PPP2R1A: variants seen among roughly 807,000 people sequenced by gnomAD.
PPP2R1A encodes serine/threonine-protein phosphatase 2A 65 kDa regulatory subunit A alpha isoform.
PPP2R1A carries 15 observed loss-of-function variants against 67.1 expected under a neutral mutation model. That is an observed-to-expected ratio of 0.22 (90% CI 0.15 to 0.34). PPP2R1A has a LOEUF of 0.34. Among genes scored for constraint, PPP2R1A ranks in the 10% least tolerant of loss-of-function variants. The probability of loss-of-function intolerance (pLI) is 1.00; values close to 1 mark genes in which losing one functional copy is unlikely to be tolerated. For missense variants in PPP2R1A, 369 were observed against 775.0 expected (o/e 0.48, Z 6.22); for synonymous variants, 337 against 325.0 (o/e 1.04, Z -0.40).
At chr19:52,202,824 C>T (rs915542974) in intron 2 of PPP2R1A, among the ~76,000 whole-genome samples, 5 of 152,186 alleles carry the variant, frequency 3.3e-5, no homozygotes, top group Admixed American at 2.0e-4. Flanking sequence ...AATTATGTAA[C>T]CTAACATGAA....
Position 52,212,471 on chromosome 19 carries a change from TCA to T in PPP2R1A, c.504-207_504-206del. On this transcript the variant is annotated intron_variant, in intron 4 of 14. Transcript: ENST00000322088. The surrounding 1 kb of genome is among the most constrained non-coding windows in gnomAD (Gnocchi z 4.1). The stretch of plus-strand genomic sequence containing the variant: ...TATTATGCGCAATCTGCGAAGTGTC[TCA>T]CACACACTATTTTCATTTAAACCTC... 1 of 587,846 alleles carries T rather than the reference TCA, an allele frequency of 1.7e-6. No individual in the cohort carries two copies. Among genetic ancestry groups the T allele is most frequent in the Non-Finnish European group, 3.0e-6 (1 of 334,526 alleles). The allele number at this position is 587,846 out of a possible 1,614,324, so 36.4% of individuals were successfully genotyped here.
At position 52,206,190 on chromosome 19, in the gene PPP2R1A, C is replaced by T. The variant is rs1057381969; in HGVS notation, c.270+127C>T. On this transcript the variant is annotated intron_variant, in intron 3 of 14. Coordinates refer to ENST00000322088, the MANE Select transcript of PPP2R1A (RefSeq NM_014225.6). ...CACGTCAGAACAGCCGGGCCATGGACATCCGCTTTAATCCAACAAGTCAGG... is the reference window on the plus strand; with the variant it reads ...CACGTCAGAACAGCCGGGCCATGGATATCCGCTTTAATCCAACAAGTCAGG... The T allele has an allele frequency of 1.1e-5, 8 of 737,368 alleles. No homozygotes were observed. The African/African-American group carries it at 1.4e-4, about 13-fold the overall frequency. The allele number at this position is 737,368 out of a possible 1,614,324, so 45.7% of individuals were successfully genotyped here. A position where few individuals can be genotyped will look rare whatever the true frequency, so the allele number is the denominator to read the frequency against.
At chr19:52,206,974 G>A (rs2089610116) in intron 3 of PPP2R1A, among the ~76,000 whole-genome samples, 1 of 152,190 alleles carries the variant, frequency 6.6e-6, no homozygotes, top group Non-Finnish European at 1.5e-5. Context: ...CTCTAGTGGT[G>A]TATAAAGAAT....
Position 52,219,980 on chromosome 19 carries a change from T to C in PPP2R1A, c.1302+116T>C. The C allele has an allele frequency of 1.5e-6, 2 of 1,370,190 alleles. No individual in the cohort carries two copies. The highest frequency in any genetic ancestry group is 4.9e-5 in the East Asian group (2 of 40,782). 84.9% of individuals were successfully genotyped at this position (1,370,190 alleles called of 1,614,324 possible). A position where few individuals can be genotyped will look rare whatever the true frequency, so the allele number is the denominator to read the frequency against. ...CTTAGTGGAGGCTGTGACAACTGCC[T>C]GGGGAGTCGAAGGAAGGGACCCAGG... is the stretch of plus-strand genomic sequence containing the variant. On this transcript the variant is annotated intron_variant, in intron 10 of 14. Transcript: ENST00000322088. This position sits in a 1 kb window ranked among gnomAD's most constrained non-coding sequence, Gnocchi z 4.0.
Position 52,211,813 on chromosome 19 carries a change from C to A in PPP2R1A, c.503+321C>A, listed in dbSNP as rs868643514. 2.8e-6 allele frequency: 1 copy of A among 361,508 alleles called. No individual in the cohort carries two copies. The highest frequency in any genetic ancestry group is 4.8e-5 in the South Asian group (1 of 20,808). 22.4% of individuals were successfully genotyped at this position (361,508 alleles called of 1,614,324 possible). A position where few individuals can be genotyped will look rare whatever the true frequency, so the allele number is the denominator to read the frequency against. ...GCAAAATCTGGAACATAAAAACTTT[C>A]AGCAACTTACATCTGATGGTATCTC... On this transcript the variant is annotated intron_variant, in intron 4 of 14. Coordinates refer to ENST00000322088, the MANE Select transcript of PPP2R1A (RefSeq NM_014225.6). The surrounding 1 kb of genome is among the most constrained non-coding windows in gnomAD (Gnocchi z 5.3).
At chr19:52,190,737 A>G (rs1481291145) in intron 1 of PPP2R1A, among the ~76,000 whole-genome samples, 1 of 152,206 alleles carries the variant, frequency 6.6e-6, no homozygotes, top group Non-Finnish European at 1.5e-5. Context: ...CCCCCCCACC[A>G]AAGGTGGGGA....
rs1393401799 is a variant in PPP2R1A, at chr19:52,213,209, C to T, written c.807+99C>T. ...TGAGGTTTCCATTAGGCCGATGGAA[C>T]CATTGGGCGTTTGAGCAATAAGATC... On this transcript the variant is annotated intron_variant, in intron 6 of 14. Coordinates refer to ENST00000322088, the MANE Select transcript of PPP2R1A (RefSeq NM_014225.6). The surrounding 1 kb of genome is among the most constrained non-coding windows in gnomAD (Gnocchi z 4.2). The T allele has an allele frequency of 4.5e-5, 62 of 1,377,694 alleles. No homozygotes were observed. Among genetic ancestry groups the T allele is most frequent in the Non-Finnish European group, 4.4e-5 (46 of 1,052,100 alleles). The allele number at this position is 1,377,694 out of a possible 1,614,324, so 85.3% of individuals were successfully genotyped here. A position where few individuals can be genotyped will look rare whatever the true frequency, so the allele number is the denominator to read the frequency against.
chr19:52,210,093 A>ATT lies in PPP2R1A; in HGVS notation c.271-1158_271-1157dup, dbSNP rs111346713. Among the ~76,000 whole-genome samples, 738 of 150,334 alleles carry ATT rather than the reference A, an allele frequency of 4.9e-3. 8 individuals carry two copies. Among genetic ancestry groups the ATT allele is most frequent in the African/African-American group, 0.017 (698 of 40,954 alleles). On this transcript the variant is annotated intron_variant, in intron 3 of 14. Coordinates refer to ENST00000322088, the MANE Select transcript of PPP2R1A (RefSeq NM_014225.6). ...AGCCCTGGAGGCATTTCCATTTATG[A>ATT]TTTTTTTTTTCCTGCTTTAAATACC...
chr19:52,216,605 G>A lies in PPP2R1A; in HGVS notation c.1070G>A (p.Gly357Asp). 3.1e-6 allele frequency: 5 copies of A among 1,614,136 alleles called. No homozygotes were observed. The highest frequency in any genetic ancestry group is 4.2e-6 in the Non-Finnish European group (5 of 1,180,036). ...SVIMGLSPIL[G>D]KDNTIEHLLP... ...ATCATGGGTCTCTCTCCCATCTTGGGCAAAGACAACACCATCGAGCACCTC... is the reference window on the plus strand; with the variant it reads ...ATCATGGGTCTCTCTCCCATCTTGGACAAAGACAACACCATCGAGCACCTC... The change falls in exon 9 of 15, where the codon GGC becomes GAC. Residue 357 changes from glycine to aspartate, a missense_variant. Gly to Asp is a moderately conservative substitution (Grantham distance 94). Coordinates refer to ENST00000322088, the MANE Select transcript of PPP2R1A (RefSeq NM_014225.6). The surrounding 1 kb of genome is among the most constrained non-coding windows in gnomAD (Gnocchi z 4.3).
intron 1 of PPP2R1A, among the ~76,000 whole-genome samples, chr19:52,195,487 A>C (rs912031569): frequency 6.6e-6 from 1 of 152,192 alleles, no homozygotes; most frequent in Non-Finnish European, 1.5e-5. Context: ...CAGTTCAGAC[A>C]CGACCTGGAG....
Position 52,215,760 on chromosome 19 carries a change from T to C in PPP2R1A, c.808-19T>C. On this transcript the variant is annotated intron_variant, in intron 6 of 14. Coordinates refer to ENST00000322088, the MANE Select transcript of PPP2R1A (RefSeq NM_014225.6). Reference sequence around the variant, plus strand: ...CTGCCAGCCCCTCTCACTCTCCCCCTCCTCCTTCCTGTCTGCAGCTCCAGA... The same window carrying C: ...CTGCCAGCCCCTCTCACTCTCCCCCCCCTCCTTCCTGTCTGCAGCTCCAGA... 1 of 1,606,510 alleles carries C rather than the reference T, an allele frequency of 6.2e-7. No individual in the cohort carries two copies. The highest frequency in any genetic ancestry group is 1.3e-5 in the African/African-American group (1 of 74,856).
chr19:52,216,370 A>G lies in PPP2R1A; in HGVS notation c.994-159A>G, dbSNP rs113059301. On this transcript the variant is annotated intron_variant, in intron 8 of 14. Coordinates refer to ENST00000322088, the MANE Select transcript of PPP2R1A (RefSeq NM_014225.6). This position sits in a 1 kb window ranked among gnomAD's most constrained non-coding sequence, Gnocchi z 4.3. ...TTGAACTCTTAAGTAGGTGGTACTCATAAGGAATAGTGATTTCCCCTGTAC... is the reference window on the plus strand; with the variant it reads ...TTGAACTCTTAAGTAGGTGGTACTCGTAAGGAATAGTGATTTCCCCTGTAC... Among the ~76,000 whole-genome samples, 174 of 152,282 alleles carry G rather than the reference A, an allele frequency of 1.1e-3. 1 individual carries two copies. Among genetic ancestry groups the G allele is most frequent in the African/African-American group, 4.1e-3 (169 of 41,568 alleles).
rs1463804438 is a variant in PPP2R1A at position 52,228,960 on chromosome 19, G to A, written c.*2979G>A. On this transcript the variant is annotated 3_prime_UTR_variant, in exon 15 of 15. Coordinates refer to ENST00000322088, the MANE Select transcript of PPP2R1A (RefSeq NM_014225.6). The stretch of plus-strand genomic sequence containing the variant: ...ACTCAGGGTGCAGAATCTGCCTATG[G>A]TGCTTGAGCTGTGGTTGTCGCTAGA... The A allele has an allele frequency of 6.6e-6, 1 of 152,222 alleles. No homozygotes were observed. Among genetic ancestry groups the A allele is most frequent in the African/African-American group, 2.4e-5 (1 of 41,446 alleles). 9.4% of individuals were successfully genotyped at this position (152,222 alleles called of 1,614,324 possible).
At position 52,194,045 on chromosome 19, in the gene PPP2R1A, C is replaced by T. The variant is rs189337096; in HGVS notation, c.78+3871C>T. On this transcript the variant is annotated intron_variant, in intron 1 of 14. Transcript: ENST00000322088. Reference sequence around the variant, plus strand: ...GGAGGATTGCTTGAACCAGGGAGATCGAGGCTGCGGTGAGAGCCTGGGCGA... The same window carrying T: ...GGAGGATTGCTTGAACCAGGGAGATTGAGGCTGCGGTGAGAGCCTGGGCGA... Among the ~76,000 whole-genome samples the T allele has an allele frequency of 1.9e-3, 248 of 130,634 alleles. 1 individual carries two copies. Among genetic ancestry groups the T allele is most frequent in the African/African-American group, 6.9e-3 (238 of 34,274 alleles). The allele number at this position is 130,634 out of a possible 152,430, so 85.7% of individuals were successfully genotyped here. A position where few individuals can be genotyped will look rare whatever the true frequency, so the allele number is the denominator to read the frequency against.
At chr19:52,193,663 G>A (rs1269842751) in intron 1 of PPP2R1A, among the ~76,000 whole-genome samples, 4 of 151,946 alleles carry the variant, frequency 2.6e-5, no homozygotes, top group East Asian at 3.9e-4. Flanking sequence ...TCCGCCTCCC[G>A]GGTTCAAGTG....
chr19:52,210,473 A>C (rs1359096567), intron 3 of PPP2R1A, among the ~76,000 whole-genome samples: 1 of 144,908 alleles, frequency 6.9e-6, no homozygotes, highest in African/African-American at 2.6e-5. Context: ...GCTGTACCTC[A>C]GTTTTCTCTT....
chr19:52,199,597 G>C (rs2089528151), intron 1 of PPP2R1A, among the ~76,000 whole-genome samples: 1 of 152,212 alleles, frequency 6.6e-6, no homozygotes, highest in South Asian at 2.1e-4. Flanking sequence ...AAAGTTATTG[G>C]AACACAGCTA....
In PPP2R1A at chr19:52,215,995, T is replaced by C; in HGVS notation, c.923-9T>C. 1 of 1,613,780 alleles carries C rather than the reference T, an allele frequency of 6.2e-7. No homozygotes were observed. The highest frequency in any genetic ancestry group is 8.5e-7 in the Non-Finnish European group (1 of 1,179,666). On this transcript the variant is annotated splice_polypyrimidine_tract_variant and intron_variant, in intron 7 of 14. Coordinates refer to ENST00000322088, the MANE Select transcript of PPP2R1A (RefSeq NM_014225.6). Reference sequence around the variant, plus strand: ...TCACTTCCCTTTGCCTCCCTCTCCCTGCCCACAGAGTTCTGTGAAAACCTC... The same window carrying C: ...TCACTTCCCTTTGCCTCCCTCTCCCCGCCCACAGAGTTCTGTGAAAACCTC...
chr19:52,207,693 G>A (rs1028702665), intron 3 of PPP2R1A, among the ~76,000 whole-genome samples: 1 of 152,202 alleles, frequency 6.6e-6, no homozygotes, highest in Non-Finnish European at 1.5e-5. Flanking sequence ...GCCTTACACA[G>A]TTGTATACTG....
Sources: allele counts gnomAD v4.1 joint callset (sites outside exome capture counted in the v4.1 genomes callset), GRCh38; gene constraint gnomAD v4.1.1; non-coding constraint Gnocchi (gnomAD v3.1); transcripts MANE v1.5; gene names NCBI Gene and HGNC (gene_info 2026-07-23, HGNC 2026-07-21).